The following ZDHHC14 variants were observed in gnomAD, a reference collection of about 807,000 sequenced individuals.
ZDHHC14 encodes palmitoyltransferase ZDHHC14.
ZDHHC14 carries 16 observed loss-of-function variants against 47.7 expected under a neutral mutation model. The ratio of observed to expected loss-of-function variants is 0.34; its 90% CI spans 0.23 to 0.51. The LOEUF (loss-of-function observed/expected upper bound fraction) is 0.51. ZDHHC14 is among the 20% of genes least tolerant of loss of function. The pLI is 0.97. For missense variants in ZDHHC14, 515 were observed against 662.5 expected, an observed-to-expected ratio of 0.78 and a Z score of 2.44; for synonymous variants, 293 against 278.9, an observed-to-expected ratio of 1.05 and a Z score of -0.50.
chr6:157,631,451 C>T (rs1384223410), intron 4 of ZDHHC14: 2 of 152,260 alleles, frequency 1.3e-5, no homozygotes, highest in Admixed American at 1.3e-4. Context: ...CACGACACGA[C>T]CCCACCACCC....
chr6:157,484,080 G>A (rs1779696965), intron 1 of ZDHHC14, among the ~76,000 whole-genome samples: 2 of 151,600 alleles, frequency 1.3e-5, no homozygotes, highest in Admixed American at 1.3e-4. Flanking sequence ...CTTATAAGTG[G>A]GAGCTAAACA....
intron 2 of ZDHHC14, among the ~76,000 whole-genome samples, chr6:157,547,710 A>G (rs1782032677): frequency 7.7e-6 from 1 of 129,658 alleles, no homozygotes; most frequent in Non-Finnish European, 1.6e-5. Flanking sequence ...TTTCACTAAA[A>G]TTCTTTTTAT....
chr6:157,448,626 A>G (rs1778734532), intron 1 of ZDHHC14, among the ~76,000 whole-genome samples: 1 of 152,228 alleles, frequency 6.6e-6, no homozygotes, highest in South Asian at 2.1e-4. Context: ...TTCAGAACCT[A>G]GTTGTGTGCT....
rs963172637 is a variant in ZDHHC14 at position 157,673,095 on chromosome 6, C to T, written c.1440C>T (p.Arg480=). The part of the protein sequence containing the change: ...SQDSLHEDSV[R]GLVKLSSV ...ACTCCCTGCATGAGGACTCTGTGCG[C>T]GGCCTGGTGAAGCTCAGCTCCGTGT... Residue 480 remains arginine, a synonymous_variant, in exon 9 of 9, where the codon CGC becomes CGT. Coordinates refer to ENST00000359775, the MANE Select transcript of ZDHHC14 (RefSeq NM_024630.3). The surrounding 1 kb of genome is among the most constrained non-coding windows in gnomAD (Gnocchi z 5.4). 1.5e-5 allele frequency: 23 copies of T among 1,573,892 alleles called. 1 individual carries two copies. The highest frequency in any genetic ancestry group is 4.1e-4 in the Middle Eastern group (2 of 4,912).
chr6:157,470,669 A>G (rs1779332351), intron 1 of ZDHHC14, among the ~76,000 whole-genome samples: 1 of 152,250 alleles, frequency 6.6e-6, no homozygotes, highest in Admixed American at 6.5e-5. Flanking sequence ...TTACAGATAG[A>G]AAAACTTCAG....
intron 2 of ZDHHC14, among the ~76,000 whole-genome samples, chr6:157,587,244 G>A (rs571889991): frequency 2.2e-4 from 33 of 152,304 alleles, no homozygotes; most frequent in Non-Finnish European, 4.7e-4. Flanking sequence ...TATTAATCTA[G>A]GCCTCAGTGG....
chr6:157,580,712 T>TTGTGTGTG (rs35713410), intron 2 of ZDHHC14, among the ~76,000 whole-genome samples: 7 of 148,788 alleles, frequency 4.7e-5, no homozygotes, highest in East Asian at 2.0e-4. Context: ...TTTTTGTGTT[T>TTGTGTGTG]TGTGTGTGTG....
intron 2 of ZDHHC14, among the ~76,000 whole-genome samples, chr6:157,579,298 T>C (rs533463238): frequency 1.4e-5 from 2 of 145,928 alleles, no homozygotes; most frequent in Admixed American, 7.0e-5. Context: ...CCCGGGTTCA[T>C]GCCATTCTCC....
intron 3 of ZDHHC14, among the ~76,000 whole-genome samples, chr6:157,610,708 C>T (rs569522869): frequency 1.3e-5 from 2 of 152,220 alleles, no homozygotes; most frequent in Non-Finnish European, 2.9e-5. Context: ...TGTCCGAGCT[C>T]TCATCCTGAA....
intron 1 of ZDHHC14, among the ~76,000 whole-genome samples, chr6:157,507,405 T>G (rs1262021280): frequency 6.6e-6 from 1 of 151,882 alleles, no homozygotes; most frequent in Non-Finnish European, 1.5e-5. Context: ...TGTCTCAGCC[T>G]CCTGGGTAGC....
intron 5 of ZDHHC14, among the ~76,000 whole-genome samples, chr6:157,643,231 G>A (rs1562525163): frequency 6.6e-6 from 1 of 152,208 alleles, no homozygotes; most frequent in Non-Finnish European, 1.5e-5. Context: ...GGGTCCCAGG[G>A]TGTGGGTAGT....
intron 1 of ZDHHC14, among the ~76,000 whole-genome samples, chr6:157,447,686 G>A (rs931237063): frequency 6.6e-6 from 1 of 152,176 alleles, no homozygotes. Context: ...AGGTTGTCAC[G>A]AAGTGTGTTT....
intron 1 of ZDHHC14, among the ~76,000 whole-genome samples, chr6:157,481,421 G>T (rs1405999977): frequency 6.6e-6 from 1 of 150,576 alleles, no homozygotes; most frequent in Non-Finnish European, 1.5e-5. Flanking sequence ...GATGCGACTG[G>T]TTGTACAGTG....
intron 1 of ZDHHC14, among the ~76,000 whole-genome samples, chr6:157,431,680 G>A (rs1428600319): frequency 6.6e-6 from 1 of 151,998 alleles, no homozygotes; most frequent in Admixed American, 6.6e-5. Context: ...ATAAACCAAA[G>A]AAGTTACCTG....
chr6:157,404,724 C>T lies in ZDHHC14; in HGVS notation c.245+22458C>T, dbSNP rs550712990. Among the ~76,000 whole-genome samples, 5 of 152,138 alleles carry T rather than the reference C, an allele frequency of 3.3e-5. No homozygotes were observed. The East Asian group carries it at 9.7e-4, about 29-fold the overall frequency. ...TGCTGAATGGAAGCTGGGTCCTTGTCTTTGGTTAGATAACTTGTTTTTAAA... is the reference window on the plus strand; with the variant it reads ...TGCTGAATGGAAGCTGGGTCCTTGTTTTTGGTTAGATAACTTGTTTTTAAA... On this transcript the variant is annotated intron_variant, in intron 1 of 8. Coordinates refer to ENST00000359775, the MANE Select transcript of ZDHHC14 (RefSeq NM_024630.3).
At chr6:157,661,433 T>G (rs545104255) in intron 8 of ZDHHC14, among the ~76,000 whole-genome samples, 43 of 152,338 alleles carry the variant, frequency 2.8e-4, no homozygotes, top group African/African-American at 8.7e-4. Flanking sequence ...TATATTTTCC[T>G]TTCTCTGTGC....
At chr6:157,494,629 T>C (rs1192288046) in intron 1 of ZDHHC14, among the ~76,000 whole-genome samples, 1 of 152,268 alleles carries the variant, frequency 6.6e-6, no homozygotes. Flanking sequence ...TTGTAGATCA[T>C]GGCCACTTTG....
chr6:157,610,983 G>A (rs1301429763), intron 3 of ZDHHC14, among the ~76,000 whole-genome samples: 3 of 152,148 alleles, frequency 2.0e-5, no homozygotes, highest in Non-Finnish European at 4.4e-5. Context: ...GTGTAAGACT[G>A]GGAGCCATGA....
chr6:157,460,159 C>T (rs1307698900), intron 1 of ZDHHC14, among the ~76,000 whole-genome samples: 1 of 150,276 alleles, frequency 6.7e-6, no homozygotes, highest in Non-Finnish European at 1.5e-5. Flanking sequence ...GCCGAGATTG[C>T]GCCACTGCAC....
Sources: allele counts gnomAD v4.1 joint callset (sites outside exome capture counted in the v4.1 genomes callset), GRCh38; gene constraint gnomAD v4.1.1; non-coding constraint Gnocchi (gnomAD v3.1); transcripts MANE v1.5; gene names NCBI Gene and HGNC (gene_info 2026-07-23, HGNC 2026-07-21).